Variants in NCOR2 observed in about 807,000 individuals in gnomAD.
NCOR2 encodes the protein nuclear receptor corepressor 2, also known as CTG repeat protein 26.
Under a neutral mutation model 262.9 loss-of-function variants are expected in NCOR2, and 81 were observed. That is an observed-to-expected ratio of 0.31 (90% confidence interval 0.26 to 0.37). The LOEUF (loss-of-function observed/expected upper bound fraction) is 0.37. Among genes scored for constraint, NCOR2 ranks in the 10% least tolerant of loss-of-function variants. The pLI, the probability that NCOR2 is intolerant of heterozygous loss-of-function variation, is 1.00. For synonymous variants in NCOR2, 1,659 were observed against 1,559.3 expected (o/e 1.06, Z -1.51); for missense variants, 3,385 against 3,621.4 (o/e 0.93, Z 1.68).
chr12:124,376,937 G>A (rs2040050808), intron 18 of NCOR2, among the ~76,000 whole-genome samples: 2 of 152,202 alleles, frequency 1.3e-5, no homozygotes, highest in Non-Finnish European at 2.9e-5. Flanking sequence ...GGGACACTCA[G>A]CAGAGAAGGG....
At chr12:124,522,950 C>T (rs1275008665) in intron 1 of NCOR2, among the ~76,000 whole-genome samples, 1 of 152,206 alleles carries the variant, frequency 6.6e-6, no homozygotes, top group African/African-American at 2.4e-5. Flanking sequence ...GAGCCAGCCA[C>T]TCGTGGGCAG....
chr12:124,400,467 C>T, intron 15 of NCOR2, 34 bp downstream of exon 17: 1 of 1,602,704 alleles, frequency 6.2e-7, no homozygotes, highest in Non-Finnish European at 8.5e-7. Context: ...GTCTCCAGCC[C>T]CTTCCCCACC....
chr12:124,383,978 GC>G (rs975903196), intron 17 of NCOR2, among the ~76,000 whole-genome samples: 5 of 152,196 alleles, frequency 3.3e-5, no homozygotes, highest in African/African-American at 1.2e-4. Flanking sequence ...GCAGGCTGCA[GC>G]GGGGGGAGAC....
At chr12:124,367,293 A>ATT (rs2039116403) in intron 20 of NCOR2, among the ~76,000 whole-genome samples, 1 of 152,058 alleles carries the variant, frequency 6.6e-6, no homozygotes, top group Non-Finnish European at 1.5e-5. Context: ...CAGAGGCCCA[A>ATT]ACCCTTCTTG....
intron 17 of NCOR2, among the ~76,000 whole-genome samples, chr12:124,385,472 G>T (rs2040737532): frequency 6.6e-6 from 1 of 152,330 alleles, no homozygotes; most frequent in African/African-American, 2.4e-5. Flanking sequence ...GGCCCCCAGA[G>T]GTGTCTGTCT....
At chr12:124,513,484 G>A (rs1428432935) in intron 1 of NCOR2, 2 of 152,236 alleles carry the variant, frequency 1.3e-5, no homozygotes, top group African/African-American at 2.4e-5. Context: ...ATAGTAGAGG[G>A]ACTTTTGGGG....
Position 124,483,532 on chromosome 12 carries a change from C to A in NCOR2, c.411+64G>T. 6.9e-7 allele frequency: 1 copy of A among 1,457,778 alleles called. No individual in the cohort carries two copies. Among genetic ancestry groups the A allele is most frequent in the East Asian group, 2.5e-5 (1 of 40,174 alleles). The allele number at this position is 1,457,778 out of a possible 1,614,324, so 90.3% of individuals were successfully genotyped here. On this transcript the variant is annotated intron_variant, in intron 3 of 46. Coordinates refer to ENST00000405201, the Ensembl canonical transcript of NCOR2. This position sits in a 1 kb window ranked among gnomAD's most constrained non-coding sequence, Gnocchi z 6.3. Reference sequence around the variant, plus strand: ...TGCACCCCTACCCACCACCTCCCACCCAGCCCAACCAGCAGCAGAACCTCA... The same window carrying A: ...TGCACCCCTACCCACCACCTCCCACACAGCCCAACCAGCAGCAGAACCTCA...
At chr12:124,491,573 TG>T (rs1298151518) in intron 1 of NCOR2, among the ~76,000 whole-genome samples, 2 of 152,222 alleles carry the variant, frequency 1.3e-5, no homozygotes, top group Non-Finnish European at 2.9e-5. Flanking sequence ...AGAGTCACGC[TG>T]GGATTCAGAC....
intron 27 of NCOR2, 77 bp from the exon 30 acceptor site, chr12:124,350,814 G>T: frequency 6.7e-7 from 1 of 1,492,380 alleles, no homozygotes; most frequent in Non-Finnish European, 9.0e-7. Flanking sequence ...GCAAAGACGT[G>T]CTTAAAAGCC....
chr12:124,473,854 T>A (rs1252396607), intron 3 of NCOR2, among the ~76,000 whole-genome samples: 1 of 152,072 alleles, frequency 6.6e-6, no homozygotes, highest in Non-Finnish European at 1.5e-5. Context: ...CGGGTTTCCA[T>A]CCCTGACTCC....
rs1045663127 is a variant in NCOR2, at chr12:124,566,022, G to C, written c.-165+1286C>G. 3.3e-5 allele frequency among the ~76,000 whole-genome samples: 5 copies of C among 152,126 alleles called. No individual in the cohort carries two copies. Among genetic ancestry groups the C allele is most frequent in the Non-Finnish European group, 7.3e-5 (5 of 68,028 alleles). On this transcript the variant is annotated intron_variant, in intron 1 of 32. Coordinates refer to the NCOR2 transcript ENST00000458234. This position sits in a 1 kb window ranked among gnomAD's most constrained non-coding sequence, Gnocchi z 4.3. ...ATATCAAAGCTGCCGCAAGGACCCAGATCTGGCTGAAAAGGGGCAAAGTCA... is the reference window on the plus strand; with the variant it reads ...ATATCAAAGCTGCCGCAAGGACCCACATCTGGCTGAAAAGGGGCAAAGTCA...
In NCOR2 at chr12:124,336,964, G is replaced by A. The variant is rs771501084; in HGVS notation, c.5904C>T (p.Pro1968=). The change falls in exon 38 of 47, where the codon CCC becomes CCT. Residue 1968 remains proline, a synonymous_variant. Coordinates refer to ENST00000405201, the Ensembl canonical transcript of NCOR2. ...CCGAGCCCTTGCTGGGGGAGGAGGC[G>A]GGCTCCAGCCCGGAGCGGGCTGGGG... is the stretch of plus-strand genomic sequence containing the variant. The A allele has an allele frequency of 3.1e-5, 47 of 1,529,864 alleles. 1 individual carries two copies. The South Asian group carries it at 3.9e-4, about 13-fold the overall frequency. 94.8% of individuals were successfully genotyped at this position (1,529,864 alleles called of 1,614,324 possible).
intron 13 of NCOR2, among the ~76,000 whole-genome samples, chr12:124,417,205 G>C (rs979698663): frequency 5.7e-4 from 84 of 146,826 alleles, no homozygotes; most frequent in East Asian, 2.9e-3. Flanking sequence ...TCACTCCACG[G>C]ACAGCAGGCC....
At chr12:124,445,237 G>A (rs1248097357) in intron 7 of NCOR2, among the ~76,000 whole-genome samples, 3 of 152,188 alleles carry the variant, frequency 2.0e-5, no homozygotes, top group Non-Finnish European at 2.9e-5. Context: ...CACATCCCAC[G>A]CGGGCTCCAT....
chr12:124,367,218 G>A (rs1051743465), intron 20 of NCOR2, among the ~76,000 whole-genome samples: 1 of 152,168 alleles, frequency 6.6e-6, no homozygotes, highest in Non-Finnish European at 1.5e-5. Flanking sequence ...AGATTGGCAG[G>A]GGGTGAGCGG....
intron 20 of NCOR2, among the ~76,000 whole-genome samples, chr12:124,366,301 C>G (rs2039031623): frequency 6.6e-6 from 1 of 152,094 alleles, no homozygotes; most frequent in South Asian, 2.1e-4. Flanking sequence ...GTGGGTGGAC[C>G]CTGAAGACAC....
exon 7 of NCOR2, chr12:124,449,848 G>C (rs373082582): frequency 6.2e-7 from 1 of 1,614,090 alleles, no homozygotes. Context: ...CCGGGTGTCG[G>C]AGGGCTGGTT....
chr12:124,362,273 G>A lies in NCOR2; in HGVS notation c.2953C>T (p.Pro985Ser). 2.3e-6 allele frequency: 3 copies of A among 1,313,874 alleles called. No individual in the cohort carries two copies. The highest frequency in any genetic ancestry group is 2.9e-6 in the Non-Finnish European group (3 of 1,030,698). The allele number at this position is 1,313,874 out of a possible 1,614,324, so 81.4% of individuals were successfully genotyped here. Residue 985 changes from proline to serine, a missense_variant, in exon 22 of 47, where the codon CCC (proline) becomes TCC (serine). Pro to Ser is a moderately conservative substitution (Grantham distance 74). Around this residue, in one of 5 missense-constraint regions of NCOR2, gnomAD observed 1,615 missense variants for 1,626.9 expected, o/e 0.99. Coordinates refer to ENST00000405201, the Ensembl canonical transcript of NCOR2. ...TTGGTGGGAGCTGCGTCCTCCCGGG[G>A]GGGCTCATGGACTTTGGTGACCTGC...
chr12:124,340,236 G>A (rs1366750277), intron 36 of NCOR2, 32 bp from the exon 39 acceptor site: 8 of 1,605,712 alleles, frequency 5.0e-6, no homozygotes, highest in Admixed American at 1.7e-5. Context: ...AGCAGGGGGA[G>A]GCCTCTTGCG....
Sources: allele counts gnomAD v4.1 joint callset (sites outside exome capture counted in the v4.1 genomes callset), GRCh38; gene constraint gnomAD v4.1.1; regional missense constraint gnomAD v4.1.1; non-coding constraint Gnocchi (gnomAD v3.1); transcripts MANE v1.5; gene names NCBI Gene and HGNC (gene_info 2026-07-23, HGNC 2026-07-21).